The following MIGA2 variants were observed in gnomAD, a reference collection of about 807,000 sequenced individuals.
The protein encoded by MIGA2 is mitoguardin 2.
MIGA2 carries 36 observed loss-of-function variants against 69.9 expected under a neutral mutation model. The ratio of observed to expected loss-of-function variants is 0.52; its 90% confidence interval spans 0.39 to 0.68. The LOEUF is 0.68. Ranked by LOEUF, MIGA2 falls within the 30% of genes least tolerant of loss-of-function variation. The probability of loss-of-function intolerance (pLI) is 0.00; values close to 1 mark genes in which losing one functional copy is unlikely to be tolerated. For missense variants in MIGA2, 660 were observed against 787.7 expected (o/e 0.84, Z 1.94); for synonymous variants, 333 against 349.2 (o/e 0.95, Z 0.52).
In MIGA2 at chr9:129,068,044, C is replaced by T. The variant is rs1200423795; in HGVS notation, c.1270-154C>T. 7.8e-7 allele frequency: 1 copy of T among 1,288,000 alleles called. No homozygotes were observed. The highest frequency in any genetic ancestry group is 2.4e-5 in the East Asian group (1 of 41,068). The allele number at this position is 1,288,000 out of a possible 1,614,324, so 79.8% of individuals were successfully genotyped here. A position where few individuals can be genotyped will look rare whatever the true frequency, so the allele number is the denominator to read the frequency against. On this transcript the variant is annotated intron_variant, in intron 12 of 15. Coordinates refer to ENST00000684074, the MANE Select transcript of MIGA2 (RefSeq NM_001329990.2). The surrounding 1 kb of genome is among the most constrained non-coding windows in gnomAD (Gnocchi z 4.1). ...GCCAAGGCAGAGGGAGGAATGGCCT[C>T]AGCTACACCCGTTGCACAGCAGAGC... is the stretch of plus-strand genomic sequence containing the variant.
intron 3 of MIGA2, among the ~76,000 whole-genome samples, chr9:129,043,431 G>A (rs1845032322): frequency 7.2e-6 from 1 of 138,492 alleles, no homozygotes. Flanking sequence ...CTGTCACCCA[G>A]TCTGCAGGGC....
At position 129,040,472 on chromosome 9, in the gene MIGA2, G is replaced by T; in HGVS notation, c.-123G>T. 4 of 1,427,686 alleles carry T rather than the reference G, an allele frequency of 2.8e-6. No individual in the cohort carries two copies. Among genetic ancestry groups the T allele is most frequent in the Non-Finnish European group, 3.7e-6 (4 of 1,079,810 alleles). 88.4% of individuals were successfully genotyped at this position (1,427,686 alleles called of 1,614,324 possible). A position where few individuals can be genotyped will look rare whatever the true frequency, so the allele number is the denominator to read the frequency against. ...CTTAGCTCTGTGGAGGGGCCCTCTGGTATGTGTGTCCCTGTCCTTCTGGGG... is the reference window on the plus strand; with the variant it reads ...CTTAGCTCTGTGGAGGGGCCCTCTGTTATGTGTGTCCCTGTCCTTCTGGGG... On this transcript the variant is annotated 5_prime_UTR_variant, in exon 2 of 16. Coordinates refer to ENST00000684074, the MANE Select transcript of MIGA2 (RefSeq NM_001329990.2).
intron 2 of MIGA2, chr9:129,042,081 T>C (rs1844936613): frequency 1.7e-6 from 1 of 575,772 alleles, no homozygotes; most frequent in Admixed American, 3.1e-5. Context: ...GACCTCACCT[T>C]CTCGGCACTG....
intron 1 of MIGA2, among the ~76,000 whole-genome samples, chr9:129,039,455 C>G (rs1844783306): frequency 6.6e-6 from 1 of 151,960 alleles, no homozygotes; most frequent in African/African-American, 2.4e-5. Context: ...CTGTGTTAGC[C>G]AGGATGATCT....
chr9:129,064,300 G>A (rs563779794), intron 11 of MIGA2, among the ~76,000 whole-genome samples: 86 of 151,580 alleles, frequency 5.7e-4, no homozygotes, highest in Non-Finnish European at 1.1e-3. Flanking sequence ...TCCGCCTCCC[G>A]GGTTCACACC....
chr9:129,046,840 A>G (rs1845250866), intron 3 of MIGA2, among the ~76,000 whole-genome samples: 1 of 151,200 alleles, frequency 6.6e-6, no homozygotes, highest in Non-Finnish European at 1.5e-5. Context: ...ATGCAGTGGC[A>G]CAATTTCAGC....
intron 3 of MIGA2, among the ~76,000 whole-genome samples, chr9:129,044,981 C>T (rs150025221): frequency 0.016 from 2,275 of 145,582 alleles, 24 homozygotes; most frequent in Non-Finnish European, 0.025. Flanking sequence ...AGGCGGATCC[C>T]GAGGTCAGGA....
chr9:129,068,185 G>A lies in MIGA2; in HGVS notation c.1270-13G>A, dbSNP rs1178289635. 7 of 1,613,680 alleles carry A rather than the reference G, an allele frequency of 4.3e-6. No individual in the cohort carries two copies. The highest frequency in any genetic ancestry group is 1.3e-5 in the African/African-American group (1 of 75,058). On this transcript the variant is annotated splice_polypyrimidine_tract_variant and intron_variant, in intron 12 of 15. Coordinates refer to ENST00000684074, the MANE Select transcript of MIGA2 (RefSeq NM_001329990.2). The surrounding 1 kb of genome is among the most constrained non-coding windows in gnomAD (Gnocchi z 4.1). The stretch of plus-strand genomic sequence containing the variant: ...GCCCCCATGCATGAGCCTCCCGGGG[G>A]CACCCTCTGTAGGTGGTATGCATGA...
In MIGA2 at chr9:129,063,374, A is replaced by G; in HGVS notation, c.1083+58A>G. ...GAGGCAAGGGGTAGTCAGGCTGGCC[A>G]TGGCTGTGTGGCATGTATGTGGCCT... is the stretch of plus-strand genomic sequence containing the variant. On this transcript the variant is annotated intron_variant, in intron 10 of 15. Transcript: ENST00000684074. 3.7e-6 allele frequency: 6 copies of G among 1,605,422 alleles called. 1 individual carries two copies. Among genetic ancestry groups the G allele is most frequent in the South Asian group, 3.3e-5 (3 of 90,828 alleles).
rs774647967 is a variant in MIGA2 at position 129,069,374 on chromosome 9, G to A, written c.1458+245G>A. On this transcript the variant is annotated intron_variant, in intron 14 of 15. Coordinates refer to ENST00000684074, the MANE Select transcript of MIGA2 (RefSeq NM_001329990.2). This position sits in a 1 kb window ranked among gnomAD's most constrained non-coding sequence, Gnocchi z 4.9. ...TGGGGAGGGGAACGGATACCCTAGGGTAGTGGCCACAGGGCTGGCAGCTGG... is the reference window on the plus strand; with the variant it reads ...TGGGGAGGGGAACGGATACCCTAGGATAGTGGCCACAGGGCTGGCAGCTGG... The A allele has an allele frequency of 6.3e-5, 37 of 585,822 alleles. No individual in the cohort carries two copies. Among genetic ancestry groups the A allele is most frequent in the Non-Finnish European group, 1.0e-4 (34 of 328,974 alleles). The allele number at this position is 585,822 out of a possible 1,614,324, so 36.3% of individuals were successfully genotyped here. A position where few individuals can be genotyped will look rare whatever the true frequency, so the allele number is the denominator to read the frequency against.
At chr9:129,052,629 C>T (rs1001869709) in intron 6 of MIGA2, among the ~76,000 whole-genome samples, 1 of 152,126 alleles carries the variant, frequency 6.6e-6, no homozygotes, top group Non-Finnish European at 1.5e-5. Context: ...GAGGATTTCT[C>T]TGCCTATTCC....
chr9:129,061,112 T>G lies in MIGA2; in HGVS notation c.895-119T>G. 1 of 792,492 alleles carries G rather than the reference T, an allele frequency of 1.3e-6. No individual in the cohort carries two copies. The highest frequency in any genetic ancestry group is 2.7e-5 in the East Asian group (1 of 37,588). The allele number at this position is 792,492 out of a possible 1,614,324, so 49.1% of individuals were successfully genotyped here. A position where few individuals can be genotyped will look rare whatever the true frequency, so the allele number is the denominator to read the frequency against. ...TCCCTCTGACATCCCCTCAGAGACG[T>G]TGGCAGTGGGCAGGCACCTGGGGTG... is the stretch of plus-strand genomic sequence containing the variant. On this transcript the variant is annotated intron_variant, in intron 8 of 15. Transcript: ENST00000684074. This position sits in a 1 kb window ranked among gnomAD's most constrained non-coding sequence, Gnocchi z 5.0.
In MIGA2 at chr9:129,070,423, A is replaced by G; in HGVS notation, c.1752A>G (p.Arg584=). The G allele has an allele frequency of 6.2e-7, 1 of 1,600,826 alleles. No homozygotes were observed. The highest frequency in any genetic ancestry group is 1.7e-5 in the Admixed American group (1 of 59,232). The change falls in exon 16 of 16, where the codon CGA becomes CGG. Residue 584 remains arginine (R), a synonymous_variant. Coordinates refer to ENST00000684074, the MANE Select transcript of MIGA2 (RefSeq NM_001329990.2). ...CAGGCGTGAATGGGGCGCTGCCCCG[A>G]GAGAATGGGCCCCTGGGGGAGCTGC... The part of the protein sequence containing the change: ...SSAGVNGALP[R]ENGPLGELQ
chr9:129,038,178 G>C (rs982385242), intron 1 of MIGA2, among the ~76,000 whole-genome samples: 6 of 152,112 alleles, frequency 3.9e-5, no homozygotes, highest in Admixed American at 3.3e-4. Flanking sequence ...CAGCCTCCTG[G>C]GCAGATGTCT....
chr9:129,038,358 G>C (rs1465496676), intron 1 of MIGA2, among the ~76,000 whole-genome samples: 1 of 152,166 alleles, frequency 6.6e-6, no homozygotes, highest in Non-Finnish European at 1.5e-5. Context: ...GACAGGGTCT[G>C]TCCTGGCTTG....
At chr9:129,045,948 G>A (rs1023711245) in intron 3 of MIGA2, among the ~76,000 whole-genome samples, 2 of 151,690 alleles carry the variant, frequency 1.3e-5, no homozygotes, top group Non-Finnish European at 2.9e-5. Flanking sequence ...CCGCCTCCCG[G>A]GTTCAAGCAA....
chr9:129,050,586 T>TC (rs1564607709), intron 6 of MIGA2, among the ~76,000 whole-genome samples: 1 of 150,372 alleles, frequency 6.7e-6, no homozygotes. Context: ...TTTTTTTTTT[T>TC]TTTGAAATGG....
chr9:129,063,829 C>T (rs375359662), intron 11 of MIGA2, among the ~76,000 whole-genome samples, 198 bp downstream of exon 11: 35 of 152,176 alleles, frequency 2.3e-4, no homozygotes, highest in African/African-American at 7.2e-4. Flanking sequence ...CGCAGTTTAC[C>T]CTGGAGTGTG....
Position 129,048,485 on chromosome 9 carries a change from C to T in MIGA2, c.366C>T (p.Gly122=). The change falls in exon 4 of 16, where the codon GGC becomes GGT. Residue 122 remains glycine (G), a synonymous_variant. Coordinates refer to ENST00000684074, the MANE Select transcript of MIGA2 (RefSeq NM_001329990.2). The part of the protein sequence containing the change: ...PSSKSNDTLS[G]ISSIEPSKHS... ...GCAAGAGCAACGACACCCTGAGTGG[C>T]ATCTCTTCCATTGAGCCCAGCAAGC... 1 of 1,614,090 alleles carries T rather than the reference C, an allele frequency of 6.2e-7. No individual in the cohort carries two copies.
Sources: allele counts gnomAD v4.1 joint callset (sites outside exome capture counted in the v4.1 genomes callset), GRCh38; gene constraint gnomAD v4.1.1; non-coding constraint Gnocchi (gnomAD v3.1); transcripts MANE v1.5; gene names NCBI Gene and HGNC (gene_info 2026-07-23, HGNC 2026-07-21).